CDC14A: variants seen among roughly 807,000 people sequenced by gnomAD.
CDC14A encodes dual specificity protein phosphatase CDC14A.
A neutral mutation model predicts 74.4 loss-of-function variants in CDC14A; 53 were observed. The observed-to-expected ratio is 0.71, with a 90% CI of 0.57 to 0.89. CDC14A has a LOEUF of 0.89. CDC14A is among the 40% of genes least tolerant of loss of function. The pLI, the probability that CDC14A is intolerant of heterozygous loss-of-function variation, is 0.00. For missense variants in CDC14A, 646 were observed against 713.7 expected (o/e 0.91, Z 1.08); for synonymous variants, 247 against 258.4 (o/e 0.96, Z 0.43).
intron 7 of CDC14A, among the ~76,000 whole-genome samples, chr1:100,445,309 C>T (rs918098136): frequency 6.6e-6 from 1 of 152,152 alleles, no homozygotes; most frequent in African/African-American, 2.4e-5. Flanking sequence ...TAGAGAGCCT[C>T]ACCCCCTCAA....
chr1:100,352,920 C>G lies in CDC14A; in HGVS notation c.-35C>G, dbSNP rs1284816497. ...GGGGGCGAGTGACTTCAGCTGGCCA[C>G]GACCCAGCCCTCCCCCGTGCGTATC... On this transcript the variant is annotated 5_prime_UTR_variant, in exon 1 of 16. Coordinates refer to ENST00000336454, the MANE Select transcript of CDC14A (RefSeq NM_003672.4). 2 of 1,613,266 alleles carry G rather than the reference C, an allele frequency of 1.2e-6. No individual in the cohort carries two copies. Among genetic ancestry groups the G allele is most frequent in the Non-Finnish European group, 8.5e-7 (1 of 1,179,878 alleles).
At chr1:100,456,071 G>A (rs1666650734) in intron 8 of CDC14A, among the ~76,000 whole-genome samples, 1 of 152,166 alleles carries the variant, frequency 6.6e-6, no homozygotes, top group African/African-American at 2.4e-5. Flanking sequence ...AGGCAGAACT[G>A]GTACTCCAAA....
intron 11 of CDC14A, among the ~76,000 whole-genome samples, chr1:100,494,151 G>C (rs560927166): frequency 6.6e-6 from 1 of 152,292 alleles, no homozygotes; most frequent in East Asian, 1.9e-4. Flanking sequence ...TAACTTCCAT[G>C]AGTATGTCCT....
At chr1:100,398,907 C>CA (rs1658897439) in intron 4 of CDC14A, among the ~76,000 whole-genome samples, 2 of 152,140 alleles carry the variant, frequency 1.3e-5, no homozygotes, top group South Asian at 4.2e-4. Context: ...GAGGAACCAT[C>CA]AGACAGGGAG....
intron 14 of CDC14A, among the ~76,000 whole-genome samples, chr1:100,498,645 T>C (rs915866921): frequency 4.6e-5 from 7 of 152,076 alleles, no homozygotes; most frequent in African/African-American, 1.4e-4. Flanking sequence ...TAAATAAAAC[T>C]CTGTGATGTT....
chr1:100,388,849 C>T (rs1401956330), intron 3 of CDC14A, among the ~76,000 whole-genome samples: 1 of 152,072 alleles, frequency 6.6e-6, no homozygotes, highest in African/African-American at 2.4e-5. Flanking sequence ...TCACACCTGG[C>T]CTTACATACT....
chr1:100,507,073 TGTAA>T (rs1177054702), intron 15 of CDC14A, among the ~76,000 whole-genome samples: 1 of 152,254 alleles, frequency 6.6e-6, no homozygotes, highest in Non-Finnish European at 1.5e-5. Flanking sequence ...CTAATATTTA[TGTAA>T]GTGTCTAGCT....
intron 13 of CDC14A, 119 bp downstream of exon 13, chr1:100,496,168 T>C (rs1647759143): frequency 1.3e-6 from 1 of 747,910 alleles, no homozygotes; most frequent in East Asian, 2.6e-5. Context: ...TTTAAATTGC[T>C]TCCTTTCTCT....
upstream of CDC14A, among the ~76,000 whole-genome samples, chr1:100,349,448 A>G (rs1314897488): frequency 1.3e-5 from 2 of 152,224 alleles, no homozygotes; most frequent in Non-Finnish European, 2.9e-5. Context: ...TTTATTATGA[A>G]ACTACAACCA....
At chr1:100,465,461 C>T (rs557486529) in intron 9 of CDC14A, among the ~76,000 whole-genome samples, 27 of 152,274 alleles carry the variant, frequency 1.8e-4, no homozygotes, top group African/African-American at 6.3e-4. Context: ...TCACAGCATA[C>T]TTATCTACTA....
chr1:100,461,041 T>G (rs1180630833), intron 8 of CDC14A, among the ~76,000 whole-genome samples: 1 of 152,210 alleles, frequency 6.6e-6, no homozygotes, highest in African/African-American at 2.4e-5. Context: ...GGAGTTTATT[T>G]CAAAGAAGAC....
At position 100,426,823 on chromosome 1, in the gene CDC14A, T is replaced by C. The variant is rs1310910019; in HGVS notation, c.389+2522T>C. Reference sequence around the variant, plus strand: ...GTTCTATCTTTTTGATATCTTAGGATACCAAGAGTTGTATTTACATTAAGC... The same window carrying C: ...GTTCTATCTTTTTGATATCTTAGGACACCAAGAGTTGTATTTACATTAAGC... On this transcript the variant is annotated intron_variant, in intron 5 of 15. Coordinates refer to ENST00000336454, the MANE Select transcript of CDC14A (RefSeq NM_003672.4). Among the ~76,000 whole-genome samples, 5 of 152,216 alleles carry C rather than the reference T, an allele frequency of 3.3e-5. No individual in the cohort carries two copies. The South Asian group carries it at 6.2e-4, about 19-fold the overall frequency.
chr1:100,505,380 T>A (rs1021419872), intron 15 of CDC14A, among the ~76,000 whole-genome samples: 2 of 152,168 alleles, frequency 1.3e-5, no homozygotes, highest in Admixed American at 1.3e-4. Flanking sequence ...TATGAATAGG[T>A]TAAGTTCTTC....
intron 12 of CDC14A, among the ~76,000 whole-genome samples, chr1:100,495,609 CA>C (rs1458654849): frequency 1.2e-4 from 19 of 152,252 alleles, no homozygotes; most frequent in Admixed American, 1.0e-3. Flanking sequence ...TAATGGTAAG[CA>C]GCAACATTTT....
At chr1:100,411,847 A>C (rs1660753081) in intron 4 of CDC14A, among the ~76,000 whole-genome samples, 1 of 152,168 alleles carries the variant, frequency 6.6e-6, no homozygotes, top group South Asian at 2.1e-4. Flanking sequence ...GGTCAGTGAT[A>C]ATGGCAAGTT....
chr1:100,448,883 G>C (rs1665833600), intron 7 of CDC14A, among the ~76,000 whole-genome samples: 1 of 151,982 alleles, frequency 6.6e-6, no homozygotes, highest in Non-Finnish European at 1.5e-5. Context: ...CCATGTGTAG[G>C]GTTAAAGCCT....
rs1649784530 is a variant in CDC14A, at chr1:100,511,489, C to T, written c.1756-6762C>T. On this transcript the variant is annotated intron_variant, in intron 15 of 15. Transcript: ENST00000336454. The stretch of plus-strand genomic sequence containing the variant: ...GATTGTCCTTACATTGGCTCTTTCT[C>T]TTTGGGTAACCTCCTGAGCATTGGA... 4.6e-5 allele frequency among the ~76,000 whole-genome samples: 7 copies of T among 152,194 alleles called. No homozygotes were observed. In the South Asian group the frequency reaches 1.5e-3, roughly 32 times the overall value.
At chr1:100,459,122 C>CAGAGAGAGAGAGAGAGAG (rs1474410623) in intron 8 of CDC14A, among the ~76,000 whole-genome samples, 132 of 146,698 alleles carry the variant, frequency 9.0e-4, no homozygotes, top group African/African-American at 3.3e-3. Context: ...CACACACACA[C>CAGAGAGAGAGAGAGAGAG]ACACAGAGAG....
chr1:100,448,496 C>T (rs17122528), intron 7 of CDC14A, among the ~76,000 whole-genome samples: 1,922 of 152,284 alleles, frequency 0.013, 41 homozygotes, highest in African/African-American at 0.044. Context: ...CAACAGTCAC[C>T]GCACAGGGCT....
Sources: gnomAD v4.1 joint callset for allele counts (sites outside exome capture counted in the v4.1 genomes callset) on GRCh38, gnomAD v4.1.1 for gene constraint, MANE v1.5 for transcripts, NCBI Gene and HGNC (gene_info 2026-07-23, HGNC 2026-07-21) for gene names.